The following KIF5B variants were observed in gnomAD, a reference collection of about 807,000 sequenced individuals.
The protein encoded by KIF5B is kinesin family member 5B, also known as kinesin-1 heavy chain.
In KIF5B, 49 loss-of-function variants were observed where a neutral mutation model predicts 132.8. That is an observed-to-expected ratio of 0.37 (90% CI 0.29 to 0.47). The LOEUF (loss-of-function observed/expected upper bound fraction) is 0.47. Among genes scored for constraint, KIF5B ranks in the 20% least tolerant of loss-of-function variants. KIF5B has a pLI of 1.00. For synonymous variants in KIF5B, 355 were observed against 369.4 expected (o/e 0.96, Z 0.45); for missense variants, 780 against 1,144.0 (o/e 0.68, Z 4.59).
intron 14 of KIF5B, 57 bp downstream of exon 14, chr10:32,031,016 T>A: frequency 2.4e-6 from 3 of 1,245,728 alleles, no homozygotes; most frequent in Non-Finnish European, 2.3e-6. Flanking sequence ...TAAGTAGTTT[T>A]TAGGTTAAGA....
chr10:32,042,701 GAAAC>G (rs1841558950), intron 2 of KIF5B, among the ~76,000 whole-genome samples: 1 of 152,126 alleles, frequency 6.6e-6, no homozygotes. Context: ...ATTCCTATGA[GAAAC>G]AGAGGTGGAC....
chr10:32,033,871 T>C lies in KIF5B; in HGVS notation c.1279A>G (p.Lys427Glu), dbSNP rs1841430217. ...ERRKCEEEIA[K>E]LYKQLDDKDE... Reference sequence around the variant, plus strand: ...TTGTCATCAAGCTGTTTGTATAATTTAGCAATTTCTTCTTCACACTTTCTT... The same window carrying C: ...TTGTCATCAAGCTGTTTGTATAATTCAGCAATTTCTTCTTCACACTTTCTT... Residue 427 changes from lysine to glutamate, a missense_variant, in exon 12 of 26, where the codon AAA (lysine) becomes GAA (glutamate). Lys to Glu is a moderately conservative substitution (Grantham distance 56). Around this residue, in one of 9 missense-constraint regions of KIF5B, gnomAD observed 471 missense variants for 569.9 expected, o/e 0.83. Coordinates refer to ENST00000302418, the MANE Select transcript of KIF5B (RefSeq NM_004521.3). 1 of 1,612,780 alleles carries C rather than the reference T, an allele frequency of 6.2e-7. No homozygotes were observed. Among genetic ancestry groups the C allele is most frequent in the Non-Finnish European group, 8.5e-7 (1 of 1,179,398 alleles).
In KIF5B at chr10:32,021,303, GA is replaced by G. The variant is rs1426146810; in HGVS notation, c.2033-17del. The G allele has an allele frequency of 1.9e-6, 3 of 1,572,868 alleles. No homozygotes were observed. The Admixed American group carries it at 5.0e-5, about 26-fold the overall frequency. ...TGGACTTTCTCTGTTTGAATAGAGA[GA>G]AAATAGAAGAGTGAAATAAGCCTTT... On this transcript the variant is annotated splice_polypyrimidine_tract_variant and intron_variant, in intron 17 of 25. Coordinates refer to ENST00000302418, the MANE Select transcript of KIF5B (RefSeq NM_004521.3).
chr10:32,013,857 CCT>C (rs1421373804), intron 25 of KIF5B, among the ~76,000 whole-genome samples: 14 of 152,208 alleles, frequency 9.2e-5, no homozygotes, highest in African/African-American at 3.1e-4. Context: ...CTCCATAGTC[CCT>C]GTTCTTTTCA....
intron 1 of KIF5B, among the ~76,000 whole-genome samples, chr10:32,049,867 G>C (rs575162432): frequency 2.0e-5 from 3 of 152,164 alleles, no homozygotes; most frequent in Non-Finnish European, 4.4e-5. Flanking sequence ...GATTGGAATG[G>C]ATTGAAAAAG....
In KIF5B at chr10:32,009,531, G is replaced by C. The variant is rs1361494492; in HGVS notation, c.*2006C>G. On this transcript the variant is annotated 3_prime_UTR_variant, in exon 26 of 26. Transcript: ENST00000302418. ...ATTATAAATAGAAAAGAACCATCAAGATACTTTTTAAAAACCTAACATTGT... is the reference window on the plus strand; with the variant it reads ...ATTATAAATAGAAAAGAACCATCAACATACTTTTTAAAAACCTAACATTGT... 1 of 152,050 alleles carries C rather than the reference G, an allele frequency of 6.6e-6. No individual in the cohort carries two copies. Among genetic ancestry groups the C allele is most frequent in the Admixed American group, 6.6e-5 (1 of 15,254 alleles). 9.4% of individuals were successfully genotyped at this position (152,050 alleles called of 1,614,324 possible).
At position 32,021,095 on chromosome 10, in the gene KIF5B, T is replaced by C; in HGVS notation, c.2131A>G (p.Thr711Ala). 6.2e-7 allele frequency: 1 copy of C among 1,613,830 alleles called. No homozygotes were observed. Among genetic ancestry groups the C allele is most frequent in the Non-Finnish European group, 8.5e-7 (1 of 1,179,920 alleles). ...AAACTACTGATCTGTTTTTGATGAG[T>C]TTCTCTATGGCTCTGGATCTGCTGT... ...VEQQIQSHRETHQKQISSLRD... is the reference protein window; with the variant it reads ...VEQQIQSHREAHQKQISSLRD... Residue 711 changes from threonine to alanine, a missense_variant, in exon 19 of 26, where the codon ACT becomes GCT. This residue lies in a region of KIF5B where 471 missense variants were observed against 569.9 expected (regional missense o/e 0.83). Coordinates refer to ENST00000302418, the MANE Select transcript of KIF5B (RefSeq NM_004521.3).
chr10:32,036,427 T>G (rs1173668322), intron 8 of KIF5B, among the ~76,000 whole-genome samples: 2 of 148,388 alleles, frequency 1.3e-5, no homozygotes, highest in Admixed American at 1.3e-4. Flanking sequence ...TGTTGTGGTG[T>G]TTTTTTTTTG....
intron 15 of KIF5B, among the ~76,000 whole-genome samples, chr10:32,024,216 G>T (rs1212361302): frequency 1.2e-4 from 16 of 136,782 alleles, no homozygotes; most frequent in Non-Finnish European, 2.0e-4. Context: ...GTGCAGTGGC[G>T]GGATCTCGGC....
intron 20 of KIF5B, 91 bp downstream of exon 20, chr10:32,019,767 A>G: frequency 1.3e-6 from 1 of 796,890 alleles, no homozygotes; most frequent in Non-Finnish European, 2.0e-6. Context: ...ACAAAGTAAA[A>G]TATGTATCCA....
intron 24 of KIF5B, among the ~76,000 whole-genome samples, chr10:32,016,139 T>C (rs917276976): frequency 1.3e-5 from 2 of 151,822 alleles, no homozygotes; most frequent in Non-Finnish European, 2.9e-5. Context: ...CAAGACCCTG[T>C]GTCATAAAAA....
intron 2 of KIF5B, among the ~76,000 whole-genome samples, chr10:32,043,148 C>G (rs188115455): frequency 4.1e-4 from 62 of 152,232 alleles, no homozygotes; most frequent in African/African-American, 1.4e-3. Context: ...GGATTACAGG[C>G]ATGTGCTACC....
In KIF5B at chr10:32,037,246, G is replaced by T. The variant is rs1198328985; in HGVS notation, c.711+8C>A. The T allele has an allele frequency of 6.2e-7, 1 of 1,609,766 alleles. No homozygotes were observed. On this transcript the variant is annotated splice_region_variant and intron_variant, in intron 8 of 25. Transcript: ENST00000302418. ...TTAAATATTTGTCAAAATACATGAAGACTTTACCTTTTCACTACCAGCTAA... is the reference window on the plus strand; with the variant it reads ...TTAAATATTTGTCAAAATACATGAATACTTTACCTTTTCACTACCAGCTAA...
At chr10:32,030,640 A>G (rs1252931491) in intron 14 of KIF5B, among the ~76,000 whole-genome samples, 1 of 152,228 alleles carries the variant, frequency 6.6e-6, no homozygotes, top group Non-Finnish European at 1.5e-5. Flanking sequence ...ATATCCTTAC[A>G]TCTATTCCAA....
rs765420042 is a variant in KIF5B at position 32,035,714 on chromosome 10, GTTA to G, written c.817-50_817-48del. The G allele has an allele frequency of 1.9e-5, 29 of 1,522,574 alleles. No individual in the cohort carries two copies. In the African/African-American group the frequency reaches 2.7e-4, roughly 14 times the overall value. The allele number at this position is 1,522,574 out of a possible 1,614,324, so 94.3% of individuals were successfully genotyped here. A position where few individuals can be genotyped will look rare whatever the true frequency, so the allele number is the denominator to read the frequency against. On this transcript the variant is annotated intron_variant, in intron 9 of 25. Transcript: ENST00000302418. ...GAAAACAAGACCAGTATAATAAAAT[GTTA>G]TTATAAAATAAACTCCCAAAAGACA... is the stretch of plus-strand genomic sequence containing the variant.
intron 11 of KIF5B, 143 bp from the exon 12 acceptor site, chr10:32,034,181 G>A: frequency 1.8e-6 from 1 of 551,698 alleles, no homozygotes; most frequent in Non-Finnish European, 3.1e-6. Flanking sequence ...TGCAATCTAG[G>A]CTCACTGCAA....
At chr10:32,055,059 A>G (rs1811116039) in intron 1 of KIF5B, among the ~76,000 whole-genome samples, 1 of 152,170 alleles carries the variant, frequency 6.6e-6, no homozygotes, top group Non-Finnish European at 1.5e-5. Flanking sequence ...AAAAGTTAAT[A>G]CTTTTTCCTA....
intron 20 of KIF5B, among the ~76,000 whole-genome samples, chr10:32,019,033 T>C (rs1841221939): frequency 6.6e-6 from 1 of 151,978 alleles, no homozygotes; most frequent in South Asian, 2.1e-4. Context: ...TAAACAACAG[T>C]CTATTGTTAT....
At chr10:32,037,044 G>T (rs1024722536) in intron 8 of KIF5B, among the ~76,000 whole-genome samples, 2 of 152,230 alleles carry the variant, frequency 1.3e-5, no homozygotes, top group South Asian at 2.1e-4. Flanking sequence ...CCACTTATGG[G>T]TTGAACTAGA....
Sources: allele counts gnomAD v4.1 joint callset (sites outside exome capture counted in the v4.1 genomes callset), GRCh38; gene constraint gnomAD v4.1.1; regional missense constraint gnomAD v4.1.1; transcripts MANE v1.5; gene names NCBI Gene and HGNC (gene_info 2026-07-23, HGNC 2026-07-21).